THAP5: variants seen among roughly 807,000 people sequenced by gnomAD.
The protein encoded by THAP5 is THAP domain containing 5.
In THAP5, 26 loss-of-function variants were observed where a neutral mutation model predicts 34.0. That is an observed-to-expected ratio of 0.77 (90% CI 0.56 to 1.06). The LOEUF (loss-of-function observed/expected upper bound fraction) is 1.06, where lower values mean the gene tolerates loss of function less well. Ranked by LOEUF, THAP5 falls within the 50% of genes least tolerant of loss-of-function variation. The probability of loss-of-function intolerance (pLI) is 0.00; values close to 1 mark genes in which losing one functional copy is unlikely to be tolerated. For synonymous variants in THAP5, 125 were observed against 153.0 expected, an observed-to-expected ratio of 0.82 and a Z score of 1.35; for missense variants, 394 against 452.8, an observed-to-expected ratio of 0.87 and a Z score of 1.18.
chr7:108,569,630 T>C lies in THAP5; in HGVS notation c.-61A>G. ...ACGGATGCAGGGCGGCCCTCCTCACTGAGGATGCGCCACAGGTCCAGGCCT... is the reference window on the plus strand; with the variant it reads ...ACGGATGCAGGGCGGCCCTCCTCACCGAGGATGCGCCACAGGTCCAGGCCT... On this transcript the variant is annotated 5_prime_UTR_variant, in exon 1 of 3. Transcript: ENST00000415914. 1 of 1,540,552 alleles carries C rather than the reference T, an allele frequency of 6.5e-7. No homozygotes were observed. Among genetic ancestry groups the C allele is most frequent in the South Asian group, 1.2e-5 (1 of 83,892 alleles).
rs1242840170 is a variant in THAP5, at chr7:108,562,939, TTAAGTA to T, written c.*1246_*1251del. ...TATACGTAAGTGGGAATGTACAGTA[TTAAGTA>T]TTACTCTATTATTCTGGAATTTAAC... On this transcript the variant is annotated 3_prime_UTR_variant, in exon 3 of 3. Coordinates refer to ENST00000415914, the MANE Select transcript of THAP5 (RefSeq NM_001130475.3). 8 of 152,308 alleles carry T rather than the reference TTAAGTA, an allele frequency of 5.3e-5. No homozygotes were observed. In the East Asian group the frequency reaches 1.5e-3, roughly 29 times the overall value. The allele number at this position is 152,308 out of a possible 1,614,324, so 9.4% of individuals were successfully genotyped here.
At position 108,563,378 on chromosome 7, in the gene THAP5, A is replaced by G. The variant is rs1790398497; in HGVS notation, c.*813T>C. ...CATGGTGAAACCCCGTTTCTACTAA[A>G]AATACAAAAATAAGCTGGATGTGGT... On this transcript the variant is annotated 3_prime_UTR_variant, in exon 3 of 3. Coordinates refer to ENST00000415914, the MANE Select transcript of THAP5 (RefSeq NM_001130475.3). 6.6e-6 allele frequency: 1 copy of G among 151,952 alleles called. No individual in the cohort carries two copies. The highest frequency in any genetic ancestry group is 1.9e-4 in the East Asian group (1 of 5,180). 9.4% of individuals were successfully genotyped at this position (151,952 alleles called of 1,614,324 possible).
chr7:108,546,111 T>C, the THAP5 span, among the ~76,000 whole-genome samples: 1 of 152,200 alleles, frequency 6.6e-6, no homozygotes, highest in African/African-American at 2.4e-5. Flanking sequence ...TAGTACTTAT[T>C]AAATAGCATT....
intron 1 of THAP5, among the ~76,000 whole-genome samples, 189 bp from the exon 2 acceptor site, chr7:108,566,211 G>A (rs1790485388): frequency 1.3e-5 from 2 of 152,100 alleles, no homozygotes; most frequent in African/African-American, 4.8e-5. Flanking sequence ...TGCAGTAAGA[G>A]GCCTAAGATG....
chr7:108,549,298 T>A, the THAP5 span, among the ~76,000 whole-genome samples: 3 of 152,112 alleles, frequency 2.0e-5, no homozygotes, highest in Non-Finnish European at 4.4e-5. Context: ...ATTTTTGTAT[T>A]TTTAGTAGAG....
chr7:108,553,170 T>G (rs1388713965), downstream of THAP5, among the ~76,000 whole-genome samples: 1 of 152,154 alleles, frequency 6.6e-6, no homozygotes, highest in Non-Finnish European at 1.5e-5. Flanking sequence ...GTCTACTAAA[T>G]TACAATGTCT....
downstream of THAP5, among the ~76,000 whole-genome samples, chr7:108,552,761 T>C (rs952913800): frequency 1.3e-5 from 2 of 151,740 alleles, no homozygotes; most frequent in Admixed American, 6.6e-5. Context: ...GGTCACGCTA[T>C]TGCACTCCAG....
At position 108,564,670 on chromosome 7, in the gene THAP5, A is replaced by G. The variant is rs756074377; in HGVS notation, c.709T>C (p.Phe237Leu). The G allele has an allele frequency of 2.2e-4, 350 of 1,613,858 alleles. No individual in the cohort carries two copies. Among genetic ancestry groups the G allele is most frequent in the Non-Finnish European group, 2.9e-4 (339 of 1,179,948 alleles). ...VTTSHLANPN[F>L]TSNSMEIKSA... The stretch of plus-strand genomic sequence containing the variant: ...TTTATTTCCATGGAATTACTTGTAA[A>G]GTTTGGATTAGCAAGATGACTGGTA... The change falls in exon 3 of 3, where the codon TTT becomes CTT. Residue 237 changes from phenylalanine to leucine, a missense_variant. Transcript: ENST00000415914.
intron 1 of THAP5, among the ~76,000 whole-genome samples, chr7:108,556,724 T>C (rs1419606810): frequency 2.0e-5 from 3 of 152,162 alleles, no homozygotes; most frequent in African/African-American, 4.8e-5. Flanking sequence ...TGGGGGAAGC[T>C]GTCAGTGTAT....
At chr7:108,557,193 C>T (rs1864392219), downstream of THAP5, among the ~76,000 whole-genome samples, 1 of 152,236 alleles carries the variant, frequency 6.6e-6, no homozygotes, top group Non-Finnish European at 1.5e-5. Context: ...ACAAAGGTGT[C>T]TGAAATGCCC....
At chr7:108,565,793 C>G (rs954991556) in intron 2 of THAP5, 37 bp downstream of exon 2, 6 of 1,445,690 alleles carry the variant, frequency 4.2e-6, no homozygotes, top group Non-Finnish European at 5.5e-6. Flanking sequence ...AAATCTGCCA[C>G]TCTGCTCAGC....
downstream of THAP5, among the ~76,000 whole-genome samples, chr7:108,550,237 G>C (rs1251170767): frequency 6.6e-6 from 1 of 152,112 alleles, no homozygotes; most frequent in African/African-American, 2.4e-5. Flanking sequence ...GTGTAGCTAA[G>C]AAGTTTGGAG....
At chr7:108,565,616 TTAA>T in intron 2 of THAP5, 1 of 387,864 alleles carries the variant, frequency 2.6e-6, no homozygotes, top group Non-Finnish European at 4.6e-6. Context: ...TGTTAATAAC[TTAA>T]TAATGTATAT....
At chr7:108,554,137 A>G (rs1042369259), downstream of THAP5, among the ~76,000 whole-genome samples, 1 of 152,166 alleles carries the variant, frequency 6.6e-6, no homozygotes, top group South Asian at 2.1e-4. Flanking sequence ...CAGTGCCTTC[A>G]TCTTGGACTT....
intron 1 of THAP5, among the ~76,000 whole-genome samples, chr7:108,566,358 T>C (rs556920022): frequency 1.3e-5 from 2 of 152,242 alleles, no homozygotes; most frequent in East Asian, 1.9e-4. Flanking sequence ...TTTATATTGC[T>C]GTACAGTTTG....
At chr7:108,547,277 G>A in the THAP5 span, among the ~76,000 whole-genome samples, 1 of 152,124 alleles carries the variant, frequency 6.6e-6, no homozygotes, top group Admixed American at 6.5e-5. Context: ...TCTCATGCCA[G>A]TGAATTCATT....
chr7:108,569,233 C>T (rs1007271464), intron 1 of THAP5: 1 of 1,368,974 alleles, frequency 7.3e-7, no homozygotes, highest in Non-Finnish European at 9.4e-7. Flanking sequence ...CACAGAAGCC[C>T]GCGCAAACTT....
rs40943 is a variant in THAP5 at position 108,564,035 on chromosome 7, A to G, written c.*156T>C. ...CCCAACTCTCTGGTTTTTCTTAAAT[A>G]AGTATTACAAGAATAGGATACAGTT... On this transcript the variant is annotated 3_prime_UTR_variant, in exon 3 of 3. Transcript: ENST00000415914. 300,388 of 530,616 alleles carry G rather than the reference A, an allele frequency of 0.57. 87,250 individuals carry two copies. The highest frequency in any genetic ancestry group is 0.78 in the African/African-American group (40,129 of 51,388). 32.9% of individuals were successfully genotyped at this position (530,616 alleles called of 1,614,324 possible).
downstream of THAP5, among the ~76,000 whole-genome samples, chr7:108,558,462 A>G (rs1211600781): frequency 7.0e-6 from 1 of 143,596 alleles, no homozygotes; most frequent in Non-Finnish European, 1.5e-5. Context: ...CAGTGGCGCA[A>G]TCTCGGCTCA....
Sources: allele counts gnomAD v4.1 joint callset (sites outside exome capture counted in the v4.1 genomes callset), GRCh38; gene constraint gnomAD v4.1.1; transcripts MANE v1.5; gene names NCBI Gene and HGNC (gene_info 2026-07-23, HGNC 2026-07-21).